Variants in FBN1 observed in about 807,000 individuals in gnomAD.
FBN1 encodes the protein fibrillin-1.
A neutral mutation model predicts 365.1 loss-of-function variants in FBN1; 29 were observed. The ratio of observed to expected loss-of-function variants is 0.08; its 90% CI spans 0.06 to 0.11. FBN1 has a LOEUF of 0.11. FBN1 is among the 10% of genes least tolerant of loss of function. FBN1 has a pLI of 1.00. For synonymous variants in FBN1, 1,210 were observed against 1,270.5 expected (o/e 0.95, Z 1.01); for missense variants, 2,476 against 3,703.2 (o/e 0.67, Z 8.60).
chr15:48,516,404 A>G (rs772773335), intron 10 of FBN1, 42 bp from the exon 11 acceptor site: 1 of 1,592,492 alleles, frequency 6.3e-7, no homozygotes, highest in Non-Finnish European at 8.6e-7. Context: ...GCTGAGCTGT[A>G]GCTTATGATC....
At chr15:48,469,112 CAT>C (rs1165855215) in intron 36 of FBN1, among the ~76,000 whole-genome samples, 1 of 99,980 alleles carries the variant, frequency 1.0e-5, no homozygotes, top group Non-Finnish European at 2.0e-5. Flanking sequence ...ATATATATTA[CAT>C]ATATATATAA....
intron 6 of FBN1, among the ~76,000 whole-genome samples, chr15:48,557,786 C>T (rs2044192972): frequency 6.6e-6 from 1 of 152,094 alleles, no homozygotes; most frequent in South Asian, 2.1e-4. Context: ...TGTGCAGGGG[C>T]CCTAAGACAC....
chr15:48,474,349 A>G lies in FBN1; in HGVS notation c.4116T>C (p.His1372=), dbSNP rs776876116. 7 of 1,614,162 alleles carry G rather than the reference A, an allele frequency of 4.3e-6. No homozygotes were observed. The South Asian group carries it at 5.5e-5, about 13-fold the overall frequency. ...TDLDECSNGT[H]MCSQHADCKN... The stretch of plus-strand genomic sequence containing the variant: ...TGCAGTCTGCATGCTGGCTGCACAT[A>G]TGGGTTCCATTGGAACATTCGTCCA... Residue 1372 remains histidine (H), a synonymous_variant, in exon 34 of 66, where the codon CAT becomes CAC. Transcript: ENST00000316623.
chr15:48,497,188 A>T, intron 19 of FBN1, 78 bp downstream of exon 19: 1 of 1,571,406 alleles, frequency 6.4e-7, no homozygotes. Context: ...AAGCTACTCA[A>T]AGGCAGTTTT....
intron 6 of FBN1, among the ~76,000 whole-genome samples, chr15:48,569,295 T>C (rs1387798288): frequency 6.6e-6 from 1 of 151,978 alleles, no homozygotes; most frequent in East Asian, 1.9e-4. Context: ...ACTAGAATGG[T>C]TATAATGAAA....
chr15:48,630,438 A>T (rs1889962855), intron 2 of FBN1, among the ~76,000 whole-genome samples: 1 of 152,208 alleles, frequency 6.6e-6, no homozygotes, highest in South Asian at 2.1e-4. Context: ...TCCCAAATGC[A>T]AATGAGCAGA....
chr15:48,548,308 T>C (rs2141370525), intron 6 of FBN1, among the ~76,000 whole-genome samples: 1 of 152,308 alleles, frequency 6.6e-6, no homozygotes, highest in East Asian at 1.9e-4. Context: ...AACTGTTTTA[T>C]GGCACAGACT....
chr15:48,531,891 A>C (rs116217019), intron 8 of FBN1, among the ~76,000 whole-genome samples: 1,714 of 152,172 alleles, frequency 0.011, 37 homozygotes, highest in African/African-American at 0.04. Context: ...GAAGGAAAAA[A>C]CCATTATCTA....
At chr15:48,481,301 G>A (rs1022417049) in intron 32 of FBN1, among the ~76,000 whole-genome samples, 2 of 152,118 alleles carry the variant, frequency 1.3e-5, no homozygotes, top group African/African-American at 2.4e-5. Context: ...GGCAAAGGAG[G>A]TTATTGGAAA....
intron 4 of FBN1, among the ~76,000 whole-genome samples, chr15:48,607,674 A>G (rs1161457135): frequency 2.0e-5 from 3 of 152,136 alleles, no homozygotes; most frequent in Non-Finnish European, 4.4e-5. Context: ...AACTGTAAAA[A>G]AATACATTTT....
intron 6 of FBN1, among the ~76,000 whole-genome samples, chr15:48,564,074 G>T (rs1203627107): frequency 6.6e-6 from 1 of 152,056 alleles, no homozygotes; most frequent in African/African-American, 2.4e-5. Context: ...ATACTATATT[G>T]TTCCAGTGGG....
At chr15:48,440,853 G>A (rs1408689064) in intron 50 of FBN1, among the ~76,000 whole-genome samples, 1 of 148,650 alleles carries the variant, frequency 6.7e-6, no homozygotes, top group Non-Finnish European at 1.5e-5. Context: ...ATGATATCCA[G>A]TGCCTCTTCC....
At chr15:48,509,466 T>C (rs1268008782) in intron 14 of FBN1, among the ~76,000 whole-genome samples, 3 of 147,824 alleles carry the variant, frequency 2.0e-5, no homozygotes, top group Non-Finnish European at 4.5e-5. Context: ...TATAATGTAT[T>C]TTAAATATAT....
chr15:48,497,554 A>G (rs1259014124), intron 18 of FBN1, among the ~76,000 whole-genome samples, 163 bp from the exon 19 acceptor site: 1 of 152,186 alleles, frequency 6.6e-6, no homozygotes, highest in East Asian at 1.9e-4. Context: ...TTCTCACTGT[A>G]AGATATTCTG....
intron 6 of FBN1, among the ~76,000 whole-genome samples, 163 bp downstream of exon 6, chr15:48,596,120 C>T (rs2044513510): frequency 6.6e-6 from 1 of 152,186 alleles, no homozygotes; most frequent in Non-Finnish European, 1.5e-5. Context: ...AGATTCAGGG[C>T]CGCTGTCTTG....
intron 6 of FBN1, among the ~76,000 whole-genome samples, chr15:48,569,863 G>C (rs904842983): frequency 6.6e-6 from 1 of 152,074 alleles, no homozygotes; most frequent in Non-Finnish European, 1.5e-5. Flanking sequence ...TCTGAAACTA[G>C]ATTGTGGTAA....
chr15:48,539,311 C>A (rs2044038588), intron 6 of FBN1, among the ~76,000 whole-genome samples: 1 of 152,074 alleles, frequency 6.6e-6, no homozygotes, highest in Non-Finnish European at 1.5e-5. Context: ...TGAAGAATTC[C>A]AAAAACAAAA....
At chr15:48,582,363 T>C (rs1020679546) in intron 6 of FBN1, among the ~76,000 whole-genome samples, 3 of 152,226 alleles carry the variant, frequency 2.0e-5, no homozygotes, top group African/African-American at 4.8e-5. Flanking sequence ...TCTTACAACA[T>C]GCAGTGTGAT....
intron 6 of FBN1, among the ~76,000 whole-genome samples, chr15:48,571,267 T>G (rs571577605): frequency 1.3e-5 from 2 of 152,284 alleles, no homozygotes; most frequent in East Asian, 3.9e-4. Context: ...TATCACTGGT[T>G]TAAACTAGGT....
Sources: gnomAD v4.1 joint callset for allele counts (sites outside exome capture counted in the v4.1 genomes callset) on GRCh38, gnomAD v4.1.1 for gene constraint, MANE v1.5 for transcripts, NCBI Gene and HGNC (gene_info 2026-07-23, HGNC 2026-07-21) for gene names.